Variants in SRBD1 observed in about 807,000 individuals in gnomAD.
SRBD1 encodes the protein S1 RNA binding domain 1.
Under a neutral mutation model 115.3 loss-of-function variants are expected in SRBD1, and 88 were observed. The observed-to-expected ratio is 0.76, with a 90% CI of 0.64 to 0.91. The LOEUF (loss-of-function observed/expected upper bound fraction) is 0.91. Among genes scored for constraint, SRBD1 ranks in the 40% least tolerant of loss-of-function variants. The pLI is 0.00. For synonymous variants in SRBD1, 509 were observed against 407.7 expected, an observed-to-expected ratio of 1.25 and a Z score of -2.99; for missense variants, 1,385 against 1,177.4, an observed-to-expected ratio of 1.18 and a Z score of -2.58.
chr2:45,492,752 T>C (rs1670338577), intron 14 of SRBD1, among the ~76,000 whole-genome samples: 1 of 152,224 alleles, frequency 6.6e-6, no homozygotes, highest in Non-Finnish European at 1.5e-5. Flanking sequence ...ACTATTTTTT[T>C]TTTTAAATTA....
At chr2:45,508,486 G>T (rs1161587700) in intron 14 of SRBD1, among the ~76,000 whole-genome samples, 1 of 152,082 alleles carries the variant, frequency 6.6e-6, no homozygotes, top group Non-Finnish European at 1.5e-5. Flanking sequence ...TAAAAATATA[G>T]TCTTTTATAT....
In SRBD1 at chr2:45,419,778, T is replaced by A. The variant is rs1355893556; in HGVS notation, c.2156+10A>T. ...AGATTCTGTGATCTTCAGCCACATA[T>A]TTGTCTCACCTTAACAAAACTTCTG... On this transcript the variant is annotated intron_variant, in intron 17 of 20. Transcript: ENST00000263736. 6 of 1,612,150 alleles carry A rather than the reference T, an allele frequency of 3.7e-6. No individual in the cohort carries two copies. The highest frequency in any genetic ancestry group is 5.1e-6 in the Non-Finnish European group (6 of 1,178,508).
intron 16 of SRBD1, among the ~76,000 whole-genome samples, chr2:45,469,564 G>T (rs1669587094): frequency 1.3e-5 from 2 of 152,150 alleles, no homozygotes; most frequent in Non-Finnish European, 2.9e-5. Flanking sequence ...GTGTATACAT[G>T]GCTTATTACA....
intron 9 of SRBD1, among the ~76,000 whole-genome samples, chr2:45,567,610 G>C (rs75256702): frequency 9.5e-6 from 1 of 105,282 alleles, no homozygotes; most frequent in Non-Finnish European, 2.1e-5. Context: ...TACTGTCTAA[G>C]AAAAAAAAAA....
chr2:45,502,606 T>G (rs915056689), intron 14 of SRBD1, among the ~76,000 whole-genome samples: 2 of 150,274 alleles, frequency 1.3e-5, no homozygotes, highest in Non-Finnish European at 2.9e-5. Context: ...CCGCATGTTC[T>G]CACTCATAGG....
At chr2:45,432,881 T>G (rs1278119494) in intron 16 of SRBD1, among the ~76,000 whole-genome samples, 2 of 152,190 alleles carry the variant, frequency 1.3e-5, no homozygotes, top group Non-Finnish European at 2.9e-5. Flanking sequence ...AAATAAAACT[T>G]TATTACTCTA....
At chr2:45,426,629 C>T (rs1341528992) in intron 16 of SRBD1, among the ~76,000 whole-genome samples, 1 of 152,148 alleles carries the variant, frequency 6.6e-6, no homozygotes, top group African/African-American at 2.4e-5. Context: ...GGGTGCCCCT[C>T]TAGGACAAAG....
chr2:45,505,462 T>A (rs1401075681), intron 14 of SRBD1, among the ~76,000 whole-genome samples: 2 of 152,176 alleles, frequency 1.3e-5, no homozygotes, highest in East Asian at 3.8e-4. Context: ...CTCAAGGCTC[T>A]CACATAAGGG....
At chr2:45,573,422 G>T in intron 8 of SRBD1, 80 bp from the exon 9 acceptor site, 2 of 1,465,596 alleles carry the variant, frequency 1.4e-6, no homozygotes, top group Non-Finnish European at 1.8e-6. Flanking sequence ...AATAAGGATA[G>T]CAAAAAAAGT....
chr2:45,557,614 C>G (rs1346586670), intron 10 of SRBD1, among the ~76,000 whole-genome samples: 2 of 152,176 alleles, frequency 1.3e-5, no homozygotes, highest in Non-Finnish European at 2.9e-5. Context: ...CATTCATTTC[C>G]TACATTATAG....
intron 16 of SRBD1, among the ~76,000 whole-genome samples, chr2:45,446,060 C>T (rs1183951403): frequency 6.6e-6 from 1 of 152,092 alleles, no homozygotes; most frequent in African/African-American, 2.4e-5. Flanking sequence ...TCAGGCAGAC[C>T]CTCTAGAGAG....
intron 9 of SRBD1, among the ~76,000 whole-genome samples, chr2:45,563,988 T>G (rs1672749165): frequency 6.6e-6 from 1 of 152,060 alleles, no homozygotes; most frequent in African/African-American, 2.4e-5. Context: ...CAGACAAGAC[T>G]TCACAAGAAA....
chr2:45,525,459 C>T (rs1390934963), intron 14 of SRBD1, among the ~76,000 whole-genome samples: 1 of 151,786 alleles, frequency 6.6e-6, no homozygotes, highest in Non-Finnish European at 1.5e-5. Context: ...GACAAATTAT[C>T]TAAATAAAAA....
intron 12 of SRBD1, among the ~76,000 whole-genome samples, chr2:45,548,408 T>C (rs1338425565): frequency 6.6e-6 from 1 of 151,938 alleles, no homozygotes; most frequent in African/African-American, 2.4e-5. Context: ...TAACTAGAGA[T>C]TGAACACAGG....
At chr2:45,420,789 G>C (rs952046393) in intron 16 of SRBD1, among the ~76,000 whole-genome samples, 1 of 152,144 alleles carries the variant, frequency 6.6e-6, no homozygotes, top group African/African-American at 2.4e-5. Context: ...TTGTCTCTGG[G>C]ACTTTCAAGC....
At chr2:45,453,238 T>A (rs1669048982) in intron 16 of SRBD1, among the ~76,000 whole-genome samples, 1 of 143,182 alleles carries the variant, frequency 7.0e-6, no homozygotes, top group African/African-American at 2.6e-5. Context: ...TTTGTATATA[T>A]ACTTTGACTG....
At chr2:45,603,180 C>CA (rs1465875103) in intron 2 of SRBD1, among the ~76,000 whole-genome samples, 1 of 152,168 alleles carries the variant, frequency 6.6e-6, no homozygotes, top group African/African-American at 2.4e-5. Context: ...CCCTATTTCA[C>CA]AAAGGAATAT....
intron 16 of SRBD1, among the ~76,000 whole-genome samples, chr2:45,449,228 T>C (rs1003145941): frequency 6.6e-6 from 1 of 152,108 alleles, no homozygotes; most frequent in Admixed American, 6.6e-5. Flanking sequence ...AGAGAACTAG[T>C]CAAAACAAAG....
intron 19 of SRBD1, among the ~76,000 whole-genome samples, chr2:45,397,858 CA>C (rs1255951899): frequency 6.6e-6 from 1 of 152,146 alleles, no homozygotes; most frequent in Non-Finnish European, 1.5e-5. Flanking sequence ...CTTGGCCTCC[CA>C]AAGTGCTGGG....
Sources: allele counts gnomAD v4.1 joint callset (sites outside exome capture counted in the v4.1 genomes callset), GRCh38; gene constraint gnomAD v4.1.1; transcripts MANE v1.5; gene names NCBI Gene and HGNC (gene_info 2026-07-23, HGNC 2026-07-21).